The following STK3 variants were observed in gnomAD, a reference collection of about 807,000 sequenced individuals.
STK3 encodes serine/threonine-protein kinase 3.
Under a neutral mutation model 58.0 loss-of-function variants are expected in STK3, and 41 were observed. The observed-to-expected ratio is 0.71, with a 90% CI of 0.55 to 0.92. STK3 has a LOEUF of 0.92. Ranked by LOEUF, STK3 falls within the 40% of genes least tolerant of loss-of-function variation. The pLI, the probability that STK3 is intolerant of heterozygous loss-of-function variation, is 0.00. For missense variants in STK3, 479 were observed against 602.7 expected (o/e 0.79, Z 2.15); for synonymous variants, 170 against 191.0 (o/e 0.89, Z 0.91).
At chr8:98,637,233 T>C (rs1453842938) in intron 6 of STK3, among the ~76,000 whole-genome samples, 1 of 152,136 alleles carries the variant, frequency 6.6e-6, no homozygotes, top group African/African-American at 2.4e-5. Flanking sequence ...TCAGTTTCTA[T>C]TTATCAAACA....
At chr8:98,652,533 T>C (rs1821044381) in intron 6 of STK3, among the ~76,000 whole-genome samples, 2 of 147,850 alleles carry the variant, frequency 1.4e-5, no homozygotes, top group Non-Finnish European at 3.0e-5. Context: ...AGACACAGAC[T>C]GGCAAATTGG....
intron 1 of STK3, among the ~76,000 whole-genome samples, chr8:98,440,156 C>G (rs933746006): frequency 6.6e-6 from 1 of 152,002 alleles, no homozygotes; most frequent in Non-Finnish European, 1.5e-5. Context: ...TCCTGGGGCC[C>G]TCCTGAGAGG....
In STK3 at chr8:98,704,727, A is replaced by G. The variant is rs1825854096; in HGVS notation, c.684+1740T>C. ...GAAGATCCTTAAAGGAAGAGGCCAC[A>G]TATTACAATTCTCTGCTATCTGAGC... On this transcript the variant is annotated intron_variant, in intron 6 of 10. Coordinates refer to ENST00000419617, the MANE Select transcript of STK3 (RefSeq NM_006281.4). Among the ~76,000 whole-genome samples, 4 of 152,234 alleles carry G rather than the reference A, an allele frequency of 2.6e-5. No homozygotes were observed. In the South Asian group the frequency reaches 8.3e-4, roughly 31 times the overall value.
rs1374014336 is a variant in STK3 at position 98,858,317 on chromosome 8, T to TAG, written c.110+25329_110+25330insCT. On this transcript the variant is annotated intron_variant, in intron 3 of 12. Transcript: ENST00000523601. ...ATATATATATATATATATATATATA[T>TAG]ATATATAGAGAGAGAGAGAGAGAGA... 7.8e-3 allele frequency among the ~76,000 whole-genome samples: 385 copies of TAG among 49,204 alleles called. 1 individual carries two copies. Among genetic ancestry groups the TAG allele is most frequent in the South Asian group, 0.012 (9 of 776 alleles). 32.3% of individuals were successfully genotyped at this position (49,204 alleles called of 152,430 possible).
At chr8:98,598,657 G>A (rs1816039008) in intron 6 of STK3, 1 of 985,082 alleles carries the variant, frequency 1.0e-6, no homozygotes, top group South Asian at 4.7e-5. Flanking sequence ...TTGGCAATCA[G>A]TGGCTCACTT....
the STK3 span, among the ~76,000 whole-genome samples, chr8:98,360,763 A>G: frequency 2.0e-5 from 3 of 152,272 alleles, no homozygotes; most frequent in African/African-American, 7.2e-5. Flanking sequence ...CTAAATGTCA[A>G]AGTAAAGTAG....
intron 9 of STK3, among the ~76,000 whole-genome samples, chr8:98,546,559 T>C (rs931372644): frequency 3.3e-5 from 5 of 152,188 alleles, no homozygotes; most frequent in African/African-American, 1.2e-4. Context: ...GGAAAATTGA[T>C]ATTACATGTT....
At chr8:98,442,717 C>T (rs1818742179) in intron 1 of STK3, among the ~76,000 whole-genome samples, 1 of 152,158 alleles carries the variant, frequency 6.6e-6, no homozygotes, top group Non-Finnish European at 1.5e-5. Flanking sequence ...ATTGTAATTG[C>T]ACATATAACA....
intron 3 of STK3, chr8:98,427,655 A>C (rs1818257274): frequency 4.8e-6 from 1 of 207,312 alleles, no homozygotes. Context: ...CTGCCCATGG[A>C]CAAGGTCAGC....
chr8:98,878,225 G>A (rs1256792503), intron 3 of STK3, among the ~76,000 whole-genome samples: 1 of 151,870 alleles, frequency 6.6e-6, no homozygotes, highest in Non-Finnish European at 1.5e-5. Flanking sequence ...GCTAATTTTT[G>A]TATTTTTGGT....
chr8:98,482,882 G>A (rs1821961819), intron 10 of STK3, among the ~76,000 whole-genome samples: 1 of 152,030 alleles, frequency 6.6e-6, no homozygotes, highest in African/African-American at 2.4e-5. Flanking sequence ...AAATCTTTCA[G>A]AATAATATAC....
chr8:98,836,057 C>T lies in STK3; in HGVS notation c.110+47590G>A, dbSNP rs189989950. On this transcript the variant is annotated intron_variant, in intron 3 of 12. Transcript: ENST00000523601. ...CTCTACCTAAGATACAAAAATTAGC[C>T]GGGCGCAGTGGTGGGCGCCTGTAAT... Among the ~76,000 whole-genome samples the T allele has an allele frequency of 1.1e-3, 173 of 152,172 alleles. 1 individual carries two copies. The highest frequency in any genetic ancestry group is 3.4e-3 in the Middle Eastern group (1 of 294).
intron 10 of STK3, among the ~76,000 whole-genome samples, chr8:98,494,216 T>G (rs753109079): frequency 3.9e-5 from 6 of 152,196 alleles, no homozygotes; most frequent in Non-Finnish European, 8.8e-5. Flanking sequence ...AATTTCATGC[T>G]CTAGCAACAC....
At chr8:98,501,221 T>C (rs949251652) in intron 10 of STK3, among the ~76,000 whole-genome samples, 10 of 152,206 alleles carry the variant, frequency 6.6e-5, no homozygotes, top group Non-Finnish European at 1.5e-4. Context: ...TTGAGAAGTG[T>C]CTGTTCATAT....
intron 6 of STK3, among the ~76,000 whole-genome samples, chr8:98,607,760 TTTC>T (rs1438547876): frequency 6.6e-6 from 1 of 152,164 alleles, no homozygotes; most frequent in Non-Finnish European, 1.5e-5. Context: ...CAACAGACAT[TTTC>T]TCAAAAATGA....
chr8:98,837,881 A>G lies in STK3; in HGVS notation c.110+45766T>C, dbSNP rs374356615. On this transcript the variant is annotated intron_variant, in intron 3 of 12. Coordinates refer to the STK3 transcript ENST00000523601. ...CAGGAGTTTGAGGCTGCAGTGAGCTATGATTGCACCACTCCACTCCAGCCT... is the reference window on the plus strand; with the variant it reads ...CAGGAGTTTGAGGCTGCAGTGAGCTGTGATTGCACCACTCCACTCCAGCCT... Among the ~76,000 whole-genome samples the G allele has an allele frequency of 5.3e-5, 8 of 152,204 alleles. No homozygotes were observed. The East Asian group carries it at 1.5e-3, about 29-fold the overall frequency.
intron 1 of STK3, among the ~76,000 whole-genome samples, chr8:98,814,722 T>C (rs1207892201): frequency 6.6e-6 from 1 of 152,204 alleles, no homozygotes; most frequent in Non-Finnish European, 1.5e-5. Context: ...TCTCACTCTG[T>C]AGCCCAGGCT....
At chr8:98,644,951 C>A (rs897534973) in intron 6 of STK3, among the ~76,000 whole-genome samples, 2 of 152,170 alleles carry the variant, frequency 1.3e-5, no homozygotes, top group Non-Finnish European at 2.9e-5. Context: ...GTCTCTTTCC[C>A]GGTCCACATT....
chr8:98,750,516 T>G (rs1026427038), intron 3 of STK3, among the ~76,000 whole-genome samples: 1 of 151,500 alleles, frequency 6.6e-6, no homozygotes, highest in African/African-American at 2.4e-5. Context: ...CTCTATCAAT[T>G]GTGGAGGTTA....
Sources: gnomAD v4.1 joint callset for allele counts (sites outside exome capture counted in the v4.1 genomes callset) on GRCh38, gnomAD v4.1.1 for gene constraint, MANE v1.5 for transcripts, NCBI Gene and HGNC (gene_info 2026-07-23, HGNC 2026-07-21) for gene names.